The following VTA1 variants were observed in gnomAD, a reference collection of about 807,000 sequenced individuals.
The protein encoded by VTA1 is vesicle trafficking 1.
VTA1 carries 24 observed loss-of-function variants against 36.9 expected under a neutral mutation model. That is an observed-to-expected ratio of 0.65 (90% CI 0.47 to 0.91). The LOEUF (loss-of-function observed/expected upper bound fraction) is 0.91, where lower values mean the gene tolerates loss of function less well. Among genes scored for constraint, VTA1 ranks in the 40% least tolerant of loss-of-function variants. VTA1 has a pLI of 0.00. For missense variants in VTA1, 393 were observed against 377.2 expected (o/e 1.04, Z -0.35); for synonymous variants, 142 against 130.2 (o/e 1.09, Z -0.62).
At chr6:142,192,037 T>C (rs1369163131) in intron 5 of VTA1, among the ~76,000 whole-genome samples, 1 of 151,000 alleles carries the variant, frequency 6.6e-6, no homozygotes, top group East Asian at 1.9e-4. Flanking sequence ...AACAAAAGAG[T>C]ATACACTTTT....
Position 142,199,762 on chromosome 6 carries a change from C to CT in VTA1, c.697+1154dup, listed in dbSNP as rs1162294475. ...ATGAAATGATAATTTTAGCACTGAT[C>CT]TTTTTTTGTGTCTTCAGTCAGCATA... On this transcript the variant is annotated intron_variant, in intron 6 of 7. Transcript: ENST00000367630. Among the ~76,000 whole-genome samples the CT allele has an allele frequency of 5.3e-5, 8 of 151,928 alleles. 1 individual carries two copies. The highest frequency in any genetic ancestry group is 2.9e-5 in the Non-Finnish European group (2 of 67,902).
intron 1 of VTA1, among the ~76,000 whole-genome samples, chr6:142,160,233 G>A (rs570978715): frequency 4.6e-4 from 70 of 152,216 alleles, no homozygotes; most frequent in Middle Eastern, 3.4e-3. Context: ...GTTTAACACC[G>A]CTACAAAAGT....
At chr6:142,166,154 A>G (rs1162684576) in intron 1 of VTA1, 74 bp from the exon 2 acceptor site, 7 of 914,438 alleles carry the variant, frequency 7.7e-6, no homozygotes, top group East Asian at 2.8e-5. Context: ...TTTATTAGCA[A>G]TTATATTTTA....
At chr6:142,153,368 A>G (rs990775192) in intron 1 of VTA1, among the ~76,000 whole-genome samples, 2 of 151,946 alleles carry the variant, frequency 1.3e-5, no homozygotes, top group Admixed American at 6.6e-5. Flanking sequence ...TTCTACCACA[A>G]ATCAATGACA....
At position 142,148,157 on chromosome 6, in the gene VTA1, C is replaced by T. The variant is rs1241735616; in HGVS notation, c.112+758C>T. Among the ~76,000 whole-genome samples, 3 of 152,146 alleles carry T rather than the reference C, an allele frequency of 2.0e-5. No individual in the cohort carries two copies. In the East Asian group the frequency reaches 5.8e-4, roughly 29 times the overall value. On this transcript the variant is annotated intron_variant, in intron 1 of 7. Coordinates refer to ENST00000367630, the MANE Select transcript of VTA1 (RefSeq NM_016485.5). Reference sequence around the variant, plus strand: ...ACTCTTAACTTTACTGCAAATAAAACAAGTAACTGGACAATTATAATTCTG... The same window carrying T: ...ACTCTTAACTTTACTGCAAATAAAATAAGTAACTGGACAATTATAATTCTG...
rs372630060 is a variant in VTA1, at chr6:142,173,279, G to T, written c.411+2858G>T. On this transcript the variant is annotated intron_variant, in intron 4 of 7. Coordinates refer to ENST00000367630, the MANE Select transcript of VTA1 (RefSeq NM_016485.5). ...ATACCCTTGGTAAACACTTATTTTT[G>T]CAGTGTAAGAGGAAGAAGTTAATAA... Among the ~76,000 whole-genome samples the T allele has an allele frequency of 5.3e-5, 8 of 152,304 alleles. No individual in the cohort carries two copies. The East Asian group carries it at 1.3e-3, about 26-fold the overall frequency.
rs866422001 is a variant in VTA1, at chr6:142,220,343, C to T, written c.*1700C>T. The T allele has an allele frequency of 1.3e-5, 2 of 152,058 alleles. No homozygotes were observed. The highest frequency in any genetic ancestry group is 1.9e-4 in the East Asian group (1 of 5,168). 9.4% of individuals were successfully genotyped at this position (152,058 alleles called of 1,614,324 possible). ...ATATGCCTGGACACTGAAAAGTAAA[C>T]GCATCACCTCCTATTTTATACCCTA... On this transcript the variant is annotated 3_prime_UTR_variant, in exon 8 of 8. Coordinates refer to ENST00000367630, the MANE Select transcript of VTA1 (RefSeq NM_016485.5).
chr6:142,160,266 T>C (rs948510867), intron 1 of VTA1, among the ~76,000 whole-genome samples: 10 of 152,220 alleles, frequency 6.6e-5, no homozygotes, highest in African/African-American at 2.4e-4. Flanking sequence ...GATTCTCTAC[T>C]GAATACCCAG....
chr6:142,161,019 G>A (rs956376557), intron 1 of VTA1, among the ~76,000 whole-genome samples: 1 of 148,894 alleles, frequency 6.7e-6, no homozygotes, highest in Non-Finnish European at 1.5e-5. Context: ...TTTATTTAAC[G>A]AAGGGATGAG....
At chr6:142,163,893 A>G (rs1009425507) in intron 1 of VTA1, among the ~76,000 whole-genome samples, 3 of 152,104 alleles carry the variant, frequency 2.0e-5, no homozygotes, top group Middle Eastern at 3.2e-3. Flanking sequence ...CTAATACTGT[A>G]TTATAAGAGA....
chr6:142,215,452 A>AT (rs397695938), intron 7 of VTA1, among the ~76,000 whole-genome samples: 1 of 151,136 alleles, frequency 6.6e-6, no homozygotes, highest in East Asian at 1.9e-4. Context: ...AAAAAAAAAA[A>AT]GTTTTTTGAG....
intron 4 of VTA1, among the ~76,000 whole-genome samples, chr6:142,187,499 C>A (rs1775361764): frequency 6.6e-6 from 1 of 152,140 alleles, no homozygotes; most frequent in South Asian, 2.1e-4. Flanking sequence ...AAGACACAGG[C>A]ATATTCAAAT....
intron 7 of VTA1, among the ~76,000 whole-genome samples, chr6:142,209,689 ATAT>A (rs1775863081): frequency 6.6e-6 from 1 of 151,682 alleles, no homozygotes; most frequent in African/African-American, 2.4e-5. Flanking sequence ...ACTAACTATA[ATAT>A]TCCATTGTGT....
chr6:142,197,566 C>T (rs967716045), intron 5 of VTA1, among the ~76,000 whole-genome samples: 9 of 152,172 alleles, frequency 5.9e-5, no homozygotes, highest in African/African-American at 1.9e-4. Flanking sequence ...TATCTCATTT[C>T]TTTCTGCATA....
chr6:142,166,332 C>A lies in VTA1; in HGVS notation c.207+10C>A, dbSNP rs225656. 709,587 of 1,562,264 alleles carry A rather than the reference C, an allele frequency of 0.45. 166,074 individuals are homozygous for A. Among genetic ancestry groups the A allele is most frequent in the Middle Eastern group, 0.61 (3,570 of 5,898 alleles). On this transcript the variant is annotated intron_variant, in intron 2 of 7. Transcript: ENST00000367630. ...GGATCAGTTAGAAGCTGTAAGTTAA[C>A]CACTGATCATTTATTTTCTGGTTAT...
At chr6:142,160,883 T>C (rs530497757) in intron 1 of VTA1, among the ~76,000 whole-genome samples, 5 of 152,296 alleles carry the variant, frequency 3.3e-5, no homozygotes, top group East Asian at 1.9e-4. Flanking sequence ...ATTATCTTTT[T>C]ATTCTTTGGA....
At chr6:142,189,113 C>T (rs948581967) in intron 4 of VTA1, among the ~76,000 whole-genome samples, 1 of 151,994 alleles carries the variant, frequency 6.6e-6, no homozygotes, top group Non-Finnish European at 1.5e-5. Flanking sequence ...TAGCCTATTT[C>T]TCCCCTGTGC....
chr6:142,177,432 T>C (rs1205953730), intron 4 of VTA1, among the ~76,000 whole-genome samples: 1 of 152,146 alleles, frequency 6.6e-6, no homozygotes, highest in Non-Finnish European at 1.5e-5. Flanking sequence ...GTCATGGAGA[T>C]CAAGTGAGGA....
At chr6:142,176,990 A>C (rs1177126731) in intron 4 of VTA1, among the ~76,000 whole-genome samples, 1 of 152,116 alleles carries the variant, frequency 6.6e-6, no homozygotes, top group Non-Finnish European at 1.5e-5. Context: ...CAAAGTGAGC[A>C]ACATCTTATT....
Sources: allele counts gnomAD v4.1 joint callset (sites outside exome capture counted in the v4.1 genomes callset), GRCh38; gene constraint gnomAD v4.1.1; transcripts MANE v1.5; gene names NCBI Gene and HGNC (gene_info 2026-07-23, HGNC 2026-07-21).